ZCCHC10: variants seen among roughly 807,000 people sequenced by gnomAD.
ZCCHC10 encodes zinc finger CCHC domain-containing protein 10.
ZCCHC10 carries 16 observed loss-of-function variants against 19.5 expected under a neutral mutation model. That is an observed-to-expected ratio of 0.82 (90% CI 0.56 to 1.25). The LOEUF is 1.25. Ranked by LOEUF, ZCCHC10 falls within the 50% of genes most tolerant of loss-of-function variation. ZCCHC10 has a pLI of 0.00. For missense variants in ZCCHC10, 197 were observed against 201.0 expected, an observed-to-expected ratio of 0.98 and a Z score of 0.12; for synonymous variants, 67 against 72.5, an observed-to-expected ratio of 0.92 and a Z score of 0.38.
At chr5:132,998,953 T>C in intron 4 of ZCCHC10, 103 bp from the exon 5 acceptor site, 1 of 1,475,034 alleles carries the variant, frequency 6.8e-7, no homozygotes, top group East Asian at 2.3e-5. Flanking sequence ...TCTTGCTCTG[T>C]TGCCCAGTGT....
chr5:133,001,614 C>T (rs1471485111), intron 3 of ZCCHC10, among the ~76,000 whole-genome samples: 1 of 151,924 alleles, frequency 6.6e-6, no homozygotes, highest in Non-Finnish European at 1.5e-5. Context: ...ACACGCACCA[C>T]CATGCCTAAC....
rs1762484405 is a variant in ZCCHC10 at position 132,997,114 on chromosome 5, G to A, written c.*1469C>T. On this transcript the variant is annotated 3_prime_UTR_variant, in exon 5 of 5. Transcript: ENST00000509437. ...TTTACAGAGACAAACATTATAAAAT[G>A]TGCCTGATTGGTAATTTATTAACTC... is the stretch of plus-strand genomic sequence containing the variant. 1.3e-5 allele frequency: 2 copies of A among 152,076 alleles called. No homozygotes were observed. Among genetic ancestry groups the A allele is most frequent in the African/African-American group, 2.4e-5 (1 of 41,414 alleles). 9.4% of individuals were successfully genotyped at this position (152,076 alleles called of 1,614,324 possible). A position where few individuals can be genotyped will look rare whatever the true frequency, so the allele number is the denominator to read the frequency against.
In ZCCHC10 at chr5:132,998,080, A is replaced by G. The variant is rs1581363669; in HGVS notation, c.*503T>C. The G allele has an allele frequency of 6.5e-6, 1 of 154,394 alleles. No individual in the cohort carries two copies. The highest frequency in any genetic ancestry group is 3.4e-3 in the Middle Eastern group (1 of 294). 9.6% of individuals were successfully genotyped at this position (154,394 alleles called of 1,614,324 possible). On this transcript the variant is annotated 3_prime_UTR_variant, in exon 5 of 5. Transcript: ENST00000509437. The stretch of plus-strand genomic sequence containing the variant: ...TCCTTGAACATACCACTTAGGACAA[A>G]AAGTCAGATAACTTTCTGAACATAA...
At chr5:133,016,065 G>C (rs1763900017) in intron 2 of ZCCHC10, among the ~76,000 whole-genome samples, 1 of 152,088 alleles carries the variant, frequency 6.6e-6, no homozygotes, top group Non-Finnish European at 1.5e-5. Context: ...TTTTGACATG[G>C]CTCCTTTATT....
chr5:133,026,032 C>G (rs1462079062), intron 1 of ZCCHC10, among the ~76,000 whole-genome samples: 2 of 152,152 alleles, frequency 1.3e-5, no homozygotes, highest in Non-Finnish European at 2.9e-5. Flanking sequence ...CCTGGGAAAG[C>G]AATCGGCATT....
At chr5:133,022,584 T>C (rs1764390973) in intron 2 of ZCCHC10, among the ~76,000 whole-genome samples, 1 of 151,900 alleles carries the variant, frequency 6.6e-6, no homozygotes, top group Admixed American at 6.6e-5. Context: ...TCCCGAGTAG[T>C]TGGGACTACA....
chr5:133,004,462 C>G (rs1762976713), intron 3 of ZCCHC10, among the ~76,000 whole-genome samples: 1 of 152,204 alleles, frequency 6.6e-6, no homozygotes, highest in Non-Finnish European at 1.5e-5. Context: ...GCATGAGCCA[C>G]CGCGCCCGGC....
At chr5:133,014,824 A>G (rs961806540) in intron 2 of ZCCHC10, among the ~76,000 whole-genome samples, 2 of 152,220 alleles carry the variant, frequency 1.3e-5, no homozygotes, top group African/African-American at 4.8e-5. Context: ...CTGATCACAC[A>G]GACCAACCAT....
chr5:133,011,456 C>T (rs1028435732), intron 2 of ZCCHC10: 61 of 151,490 alleles, frequency 4.0e-4, no homozygotes, highest in African/African-American at 1.5e-3. Context: ...AACCCCATCT[C>T]TAATAAAAAT....
chr5:133,000,644 CTT>C (rs200042984), intron 3 of ZCCHC10, among the ~76,000 whole-genome samples: 37,557 of 134,086 alleles, frequency 0.28, 5,017 homozygotes, highest in African/African-American at 0.38. Flanking sequence ...CCGTTATTTA[CTT>C]TTTTTTTTTT....
intron 2 of ZCCHC10, among the ~76,000 whole-genome samples, chr5:133,017,938 G>C (rs1764030731): frequency 6.6e-6 from 1 of 152,012 alleles, no homozygotes; most frequent in South Asian, 2.1e-4. Flanking sequence ...GAAGCCAGGA[G>C]TTCGAGACTA....
In ZCCHC10 at chr5:133,026,490, T is replaced by C; in HGVS notation, c.41+7A>G. The C allele has an allele frequency of 6.2e-7, 1 of 1,613,494 alleles. No homozygotes were observed. The highest frequency in any genetic ancestry group is 8.5e-7 in the Non-Finnish European group (1 of 1,179,858). On this transcript the variant is annotated splice_region_variant and intron_variant, in intron 1 of 4. Coordinates refer to ENST00000509437, the MANE Select transcript of ZCCHC10 (RefSeq NM_001300816.3). ...CTCCAGTGGACCCGAACCGGATCCT[T>C]ACTTACGCTTGTCTCCGGGCTATTA...
rs1762674210 is a variant in ZCCHC10, at chr5:133,000,186, A to AG, written c.270-14dup. On this transcript the variant is annotated splice_polypyrimidine_tract_variant and intron_variant, in intron 3 of 4. Coordinates refer to ENST00000509437, the MANE Select transcript of ZCCHC10 (RefSeq NM_001300816.3). ...GGTTTCTCCAATGCTGATAAACACG[A>AG]GGGGGAAAAAAGCTCCTGTTAATAG... 6.2e-7 allele frequency: 1 copy of AG among 1,613,674 alleles called. No individual in the cohort carries two copies.
At chr5:133,018,933 G>A (rs892910158) in intron 2 of ZCCHC10, 2 of 334,600 alleles carry the variant, frequency 6.0e-6, no homozygotes, top group South Asian at 2.3e-5. Flanking sequence ...GGGTGTTGGC[G>A]GTGGGGGTCC....
rs535177380 is a variant in ZCCHC10 at position 133,020,347 on chromosome 5, G to A, written c.107+2494C>T. On this transcript the variant is annotated intron_variant, in intron 2 of 4. Transcript: ENST00000509437. ...TAATCCCAGCTACTTGGGAGGCTGA[G>A]GCATGAGAATCACTTGAGCCTGGGA... Among the ~76,000 whole-genome samples the A allele has an allele frequency of 9.2e-5, 14 of 152,130 alleles. No individual in the cohort carries two copies. In the South Asian group the frequency reaches 2.9e-3, roughly 32 times the overall value.
At chr5:133,021,400 C>A (rs1482913015) in intron 2 of ZCCHC10, among the ~76,000 whole-genome samples, 1 of 152,082 alleles carries the variant, frequency 6.6e-6, no homozygotes, top group South Asian at 2.1e-4. Context: ...ATGTGCAAGA[C>A]CTCTGAAAAC....
chr5:133,020,966 G>A (rs1043193560), intron 2 of ZCCHC10, among the ~76,000 whole-genome samples: 5 of 151,558 alleles, frequency 3.3e-5, no homozygotes, highest in African/African-American at 9.7e-5. Context: ...GTGCAATCTC[G>A]GCTTACTGCA....
chr5:133,019,891 G>A (rs1764184764), intron 2 of ZCCHC10, among the ~76,000 whole-genome samples: 1 of 150,488 alleles, frequency 6.6e-6, no homozygotes, highest in Admixed American at 6.6e-5. Flanking sequence ...GGCAGAGGTT[G>A]CAGTGAGCTG....
Position 133,026,494 on chromosome 5 carries a change from T to TA in ZCCHC10, c.41+2dup. On this transcript the variant is annotated splice_region_variant and intron_variant, in intron 1 of 4. Coordinates refer to ENST00000509437, the MANE Select transcript of ZCCHC10 (RefSeq NM_001300816.3). ...AGTGGACCCGAACCGGATCCTTACT[T>TA]ACGCTTGTCTCCGGGCTATTAGCCG... The TA allele has an allele frequency of 3.1e-6, 5 of 1,613,624 alleles. No homozygotes were observed. Among genetic ancestry groups the TA allele is most frequent in the Non-Finnish European group, 4.2e-6 (5 of 1,179,894 alleles).
Sources: allele counts gnomAD v4.1 joint callset (sites outside exome capture counted in the v4.1 genomes callset), GRCh38; gene constraint gnomAD v4.1.1; transcripts MANE v1.5; gene names NCBI Gene and HGNC (gene_info 2026-07-23, HGNC 2026-07-21).